Variants in PTPRS observed in about 807,000 individuals in gnomAD.
PTPRS encodes the protein protein tyrosine phosphatase receptor type S, also known as receptor-type tyrosine-protein phosphatase S.
PTPRS carries 63 observed loss-of-function variants against 215.3 expected under a neutral mutation model. The observed-to-expected ratio is 0.29, with a 90% CI of 0.24 to 0.36. The LOEUF (loss-of-function observed/expected upper bound fraction) is 0.36. Ranked by LOEUF, PTPRS falls within the 10% of genes least tolerant of loss-of-function variation. PTPRS has a pLI of 1.00. For synonymous variants in PTPRS, 1,404 were observed against 1,191.4 expected (o/e 1.18, Z -3.68); for missense variants, 2,258 against 2,825.8 (o/e 0.80, Z 4.56).
At chr19:5,226,081 G>A (rs917753247) in intron 16 of PTPRS, among the ~76,000 whole-genome samples, 1 of 152,138 alleles carries the variant, frequency 6.6e-6, no homozygotes, top group Non-Finnish European at 1.5e-5. Context: ...GGTCCTCTCT[G>A]CTCCGCTCCC....
At chr19:5,274,394 G>A in intron 2 of PTPRS, 50 bp from the exon 3 acceptor site, 1 of 1,558,390 alleles carries the variant, frequency 6.4e-7, no homozygotes, top group Non-Finnish European at 8.7e-7. Context: ...CCAGGCATCT[G>A]GCTAGGATAC....
Position 5,206,595 on chromosome 19 carries a change from G to A in PTPRS, c.*179C>T. 1.8e-6 allele frequency: 1 copy of A among 556,930 alleles called. No individual in the cohort carries two copies. Among genetic ancestry groups the A allele is most frequent in the Non-Finnish European group, 3.2e-6 (1 of 316,116 alleles). The allele number at this position is 556,930 out of a possible 1,614,324, so 34.5% of individuals were successfully genotyped here. On this transcript the variant is annotated 3_prime_UTR_variant, in exon 38 of 38. Coordinates refer to ENST00000262963, the MANE Select transcript of PTPRS (RefSeq NM_002850.4). ...CGGTGCCAGGGAGGTCGCTGGGGCG[G>A]CCGGGGCCGGTGGGGGGGCTCGAGG... is the stretch of plus-strand genomic sequence containing the variant.
intron 14 of PTPRS, among the ~76,000 whole-genome samples, chr19:5,230,036 T>C (rs757054053): frequency 2.0e-5 from 3 of 152,118 alleles, no homozygotes; most frequent in Admixed American, 6.5e-5. Context: ...TTTGGGGAAA[T>C]TGAATCCTAG....
At chr19:5,301,311 G>A (rs925760218) in intron 1 of PTPRS, among the ~76,000 whole-genome samples, 2 of 145,994 alleles carry the variant, frequency 1.4e-5, no homozygotes, top group Admixed American at 6.9e-5. Flanking sequence ...TATTAAAGTT[G>A]TTGCTGTTTT....
At chr19:5,229,907 C>CCG (rs1048899227) in intron 14 of PTPRS, among the ~76,000 whole-genome samples, 38 of 98,502 alleles carry the variant, frequency 3.9e-4, no homozygotes, top group Non-Finnish European at 4.6e-4. Context: ...TCCAGGCTGC[C>CCG]CCCCCCCGAG....
intron 1 of PTPRS, among the ~76,000 whole-genome samples, chr19:5,336,265 G>C (rs28420218): frequency 5.6e-5 from 5 of 89,840 alleles, no homozygotes; most frequent in African/African-American, 2.9e-4. Flanking sequence ...AAAGGAAAAG[G>C]GGGGGGGGCG....
intron 20 of PTPRS, among the ~76,000 whole-genome samples, 180 bp downstream of exon 20, chr19:5,220,820 A>T (rs1568396878): frequency 1.3e-5 from 2 of 152,158 alleles, no homozygotes. Flanking sequence ...CACAGGACAC[A>T]TTTAGTGACA....
chr19:5,248,009 G>A (rs1016592980), intron 9 of PTPRS, among the ~76,000 whole-genome samples: 13 of 150,032 alleles, frequency 8.7e-5, no homozygotes, highest in African/African-American at 1.2e-4. Context: ...ACACAGAGTG[G>A]AGGTGAGGGG....
chr19:5,229,721 C>G (rs921802802), intron 14 of PTPRS, 37 bp from the exon 15 acceptor site: 3 of 1,208,598 alleles, frequency 2.5e-6, no homozygotes, highest in African/African-American at 1.6e-5. Context: ...GCGGGCGGAG[C>G]CGTTACCAGG....
chr19:5,277,681 C>A, intron 2 of PTPRS: 1 of 512,748 alleles, frequency 2.0e-6, no homozygotes, highest in South Asian at 1.9e-5. Flanking sequence ...GAGGAAAAGC[C>A]TCCCTTCCTC....
At chr19:5,326,793 G>T (rs76695307) in intron 1 of PTPRS, among the ~76,000 whole-genome samples, 1 of 11,906 alleles carries the variant, frequency 8.4e-5, no homozygotes, top group Non-Finnish European at 1.7e-4. Flanking sequence ...GAAGGAAGGA[G>T]GGAGGGAGGG....
chr19:5,234,509 T>C (rs983666368), intron 13 of PTPRS, among the ~76,000 whole-genome samples: 2 of 152,212 alleles, frequency 1.3e-5, no homozygotes, highest in African/African-American at 4.8e-5. Context: ...ACTACTAACC[T>C]ATCAACAGCA....
intron 1 of PTPRS, among the ~76,000 whole-genome samples, chr19:5,328,906 C>A (rs1370972091): frequency 2.0e-5 from 3 of 152,204 alleles, no homozygotes; most frequent in Non-Finnish European, 2.9e-5. Flanking sequence ...TTGCTGTGAG[C>A]TGCCGAGGCA....
intron 1 of PTPRS, among the ~76,000 whole-genome samples, chr19:5,300,223 G>A (rs572132644): frequency 1.3e-4 from 19 of 148,838 alleles, no homozygotes; most frequent in African/African-American, 4.5e-4. Flanking sequence ...CCTGGGCAAC[G>A]GGGCGAGACT....
intron 11 of PTPRS, among the ~76,000 whole-genome samples, chr19:5,241,096 C>G (rs2044004402): frequency 6.6e-6 from 1 of 151,380 alleles, no homozygotes; most frequent in Admixed American, 6.6e-5. Context: ...CACCAATTGG[C>G]CAGGCTGGTC....
At chr19:5,325,877 G>A (rs1322904089) in intron 1 of PTPRS, among the ~76,000 whole-genome samples, 1 of 152,236 alleles carries the variant, frequency 6.6e-6, no homozygotes, top group African/African-American at 2.4e-5. Context: ...CAGGCCGAAG[G>A]CAGAAGGGGC....
intron 1 of PTPRS, among the ~76,000 whole-genome samples, chr19:5,328,825 A>G (rs751577715): frequency 6.6e-6 from 1 of 152,152 alleles, no homozygotes; most frequent in Non-Finnish European, 1.5e-5. Flanking sequence ...CAGGAGGTTG[A>G]GGTCACTGTG....
At chr19:5,255,969 G>T (rs1210125498) in intron 9 of PTPRS, 139 bp downstream of exon 9, 4 of 622,000 alleles carry the variant, frequency 6.4e-6, no homozygotes, top group Non-Finnish European at 7.7e-6. Context: ...TAAAATTGTT[G>T]TTCATTTTTC....
At chr19:5,310,320 T>C (rs2049656607) in intron 1 of PTPRS, among the ~76,000 whole-genome samples, 1 of 75,906 alleles carries the variant, frequency 1.3e-5, no homozygotes. Flanking sequence ...TTTCTTTTCT[T>C]TTTTTTTTTT....
Sources: gnomAD v4.1 joint callset for allele counts (sites outside exome capture counted in the v4.1 genomes callset) on GRCh38, gnomAD v4.1.1 for gene constraint, MANE v1.5 for transcripts, NCBI Gene and HGNC (gene_info 2026-07-23, HGNC 2026-07-21) for gene names.